Variants in CCDC181 observed in about 807,000 individuals in gnomAD.
The protein encoded by CCDC181 is coiled-coil domain containing 181.
A neutral mutation model predicts 58.7 loss-of-function variants in CCDC181; 35 were observed. The observed-to-expected ratio is 0.60, with a 90% CI of 0.46 to 0.79. CCDC181 has a LOEUF of 0.79. Ranked by LOEUF, CCDC181 falls within the 30% of genes least tolerant of loss-of-function variation. The pLI is 0.00. For missense variants in CCDC181, 517 were observed against 583.9 expected (o/e 0.89, Z 1.18); for synonymous variants, 183 against 197.5 (o/e 0.93, Z 0.62).
At chr1:169,459,131 T>TA (rs1325108188) in intron 2 of CCDC181, among the ~76,000 whole-genome samples, 3 of 152,230 alleles carry the variant, frequency 2.0e-5, no homozygotes, top group African/African-American at 4.8e-5. Flanking sequence ...ATAATGCTTT[T>TA]AAAACTATGA....
At chr1:169,426,609 AG>A (rs1441676111) in intron 1 of CCDC181, among the ~76,000 whole-genome samples, 4 of 152,238 alleles carry the variant, frequency 2.6e-5, no homozygotes, top group East Asian at 3.8e-4. Flanking sequence ...TCCAGAATTC[AG>A]GATATTCAAA....
chr1:169,432,373 T>G (rs1656944695), upstream of CCDC181, among the ~76,000 whole-genome samples: 1 of 152,110 alleles, frequency 6.6e-6, no homozygotes, highest in Non-Finnish European at 1.5e-5. Context: ...TGGACCACAG[T>G]CTGCATTGTG....
intron 4 of CCDC181, among the ~76,000 whole-genome samples, chr1:169,408,089 G>T (rs1431216962): frequency 6.6e-6 from 1 of 152,216 alleles, no homozygotes; most frequent in African/African-American, 2.4e-5. Context: ...CCCCTGGAAA[G>T]GGGGCTAAAG....
chr1:169,433,325 C>A (rs1411076742), intron 2 of CCDC181, among the ~76,000 whole-genome samples: 1 of 151,936 alleles, frequency 6.6e-6, no homozygotes, highest in Non-Finnish European at 1.5e-5. Flanking sequence ...AAAGCTATCC[C>A]TTGTTAATGG....
At chr1:169,400,847 G>A (rs1472415619) in intron 4 of CCDC181, among the ~76,000 whole-genome samples, 3 of 151,836 alleles carry the variant, frequency 2.0e-5, no homozygotes, top group Non-Finnish European at 4.4e-5. Flanking sequence ...GAGCACAGTG[G>A]GGCATCGCCT....
intron 4 of CCDC181, among the ~76,000 whole-genome samples, chr1:169,411,852 T>A (rs1403232011): frequency 6.6e-6 from 1 of 152,136 alleles, no homozygotes; most frequent in Non-Finnish European, 1.5e-5. Context: ...AAACTCTCAA[T>A]AAACTAGGTA....
At chr1:169,449,666 G>A (rs1472080643) in intron 2 of CCDC181, among the ~76,000 whole-genome samples, 1 of 152,226 alleles carries the variant, frequency 6.6e-6, no homozygotes, top group Non-Finnish European at 1.5e-5. Context: ...AGAACTTGGA[G>A]TCTGATGTTC....
At chr1:169,420,052 T>C (rs757614470) in intron 3 of CCDC181, among the ~76,000 whole-genome samples, 1 of 152,108 alleles carries the variant, frequency 6.6e-6, no homozygotes, top group Non-Finnish European at 1.5e-5. Flanking sequence ...AGAATCCAAA[T>C]GAAAACAGAA....
chr1:169,414,096 G>A (rs556659395), intron 4 of CCDC181, among the ~76,000 whole-genome samples: 79 of 152,150 alleles, frequency 5.2e-4, no homozygotes, highest in African/African-American at 1.6e-3. Flanking sequence ...AATATATGAC[G>A]TCTGCACAAG....
intron 4 of CCDC181, among the ~76,000 whole-genome samples, chr1:169,401,795 A>G (rs946521248): frequency 3.3e-5 from 5 of 152,236 alleles, no homozygotes; most frequent in Non-Finnish European, 5.9e-5. Context: ...AGCTGGATGG[A>G]GAATGACTTT....
At chr1:169,422,553 T>C (rs909716498) in intron 2 of CCDC181, among the ~76,000 whole-genome samples, 4 of 152,190 alleles carry the variant, frequency 2.6e-5, no homozygotes, top group South Asian at 2.1e-4. Flanking sequence ...AAGTGCTACA[T>C]TGATTTTTAA....
chr1:169,412,429 T>A (rs1003973943), intron 4 of CCDC181, among the ~76,000 whole-genome samples: 3 of 152,044 alleles, frequency 2.0e-5, no homozygotes, highest in African/African-American at 7.2e-5. Flanking sequence ...GAATCAATAT[T>A]ATGAAAATGG....
chr1:169,458,184 T>TG (rs77327182), intron 2 of CCDC181, among the ~76,000 whole-genome samples: 12,102 of 147,380 alleles, frequency 0.082, 1,716 homozygotes, highest in East Asian at 0.67. Flanking sequence ...TGTTTTTTTT[T>TG]TTTTGTTTTG....
intron 2 of CCDC181, among the ~76,000 whole-genome samples, chr1:169,438,522 T>G (rs1272751811): frequency 6.6e-6 from 1 of 152,184 alleles, no homozygotes; most frequent in Non-Finnish European, 1.5e-5. Flanking sequence ...TGCCCAATGG[T>G]CTGCATGGGG....
At chr1:169,403,943 G>A (rs576153888) in intron 4 of CCDC181, among the ~76,000 whole-genome samples, 1 of 151,954 alleles carries the variant, frequency 6.6e-6, no homozygotes, top group South Asian at 2.1e-4. Context: ...AAAGAGAGAA[G>A]AATCAAATAG....
chr1:169,420,460 T>G (rs1033333162), intron 3 of CCDC181, among the ~76,000 whole-genome samples: 1 of 151,790 alleles, frequency 6.6e-6, no homozygotes, highest in Non-Finnish European at 1.5e-5. Flanking sequence ...TCCCTGATAA[T>G]TTCCCATATA....
chr1:169,426,837 CTG>C (rs1257953197), intron 1 of CCDC181, among the ~76,000 whole-genome samples: 1 of 152,164 alleles, frequency 6.6e-6, no homozygotes, highest in Non-Finnish European at 1.5e-5. Flanking sequence ...AAATCATAAA[CTG>C]TCACAAAGTA....
At chr1:169,442,387 G>A (rs888401505) in intron 2 of CCDC181, among the ~76,000 whole-genome samples, 2 of 151,632 alleles carry the variant, frequency 1.3e-5, no homozygotes, top group Admixed American at 1.3e-4. Flanking sequence ...ACAATAATAT[G>A]AAGCCATTAA....
At chr1:169,423,228 C>T (rs971377536) in intron 2 of CCDC181, among the ~76,000 whole-genome samples, 16 of 151,786 alleles carry the variant, frequency 1.1e-4, no homozygotes, top group Admixed American at 2.6e-4. Context: ...GTCTGATAGT[C>T]AGATGTCTAA....
Sources: allele counts gnomAD v4.1 joint callset (sites outside exome capture counted in the v4.1 genomes callset), GRCh38; gene constraint gnomAD v4.1.1; transcripts MANE v1.5; gene names NCBI Gene and HGNC (gene_info 2026-07-23, HGNC 2026-07-21).